Variants in TRPM2 observed in about 807,000 individuals in gnomAD.
TRPM2 encodes the protein estrogen-responsive element-associated gene 1 protein.
A neutral mutation model predicts 174.0 loss-of-function variants in TRPM2; 161 were observed. The ratio of observed to expected loss-of-function variants is 0.93; its 90% CI spans 0.81 to 1.05. The LOEUF (loss-of-function observed/expected upper bound fraction) is 1.05, where lower values mean the gene tolerates loss of function less well. Ranked by LOEUF, TRPM2 falls within the 50% of genes least tolerant of loss-of-function variation. TRPM2 has a pLI of 0.00. For synonymous variants in TRPM2, 954 were observed against 861.3 expected (o/e 1.11, Z -1.88); for missense variants, 2,057 against 2,038.0 (o/e 1.01, Z -0.18).
At position 44,391,373 on chromosome 21, in the gene TRPM2, C is replaced by T; in HGVS notation, c.1542C>T (p.Val514=). 6.2e-7 allele frequency: 1 copy of T among 1,614,206 alleles called. No individual in the cohort carries two copies. Among genetic ancestry groups the T allele is most frequent in the Non-Finnish European group, 8.5e-7 (1 of 1,180,056 alleles). ...ACGGGGTGCAGCTGAAGGAGTTTGT[C>T]ACCTGGGACACCTTGCTCTACCTGT... ...LENGVQLKEF[V]TWDTLLYLYE... Residue 514 remains valine (V), a synonymous_variant, in exon 11 of 32, where the codon GTC becomes GTT. Coordinates refer to ENST00000397928, the MANE Select transcript of TRPM2 (RefSeq NM_003307.4). The surrounding 1 kb of genome is among the most constrained non-coding windows in gnomAD (Gnocchi z 5.0).
At chr21:44,436,972 C>A in intron 28 of TRPM2, 90 bp from the exon 29 acceptor site, 1 of 1,186,588 alleles carries the variant, frequency 8.4e-7, no homozygotes. Context: ...CTGACACTGC[C>A]CCGCCCCAGG....
At chr21:44,412,412 TTTTC>T (rs1338257080) in intron 19 of TRPM2, among the ~76,000 whole-genome samples, 1 of 152,154 alleles carries the variant, frequency 6.6e-6, no homozygotes, top group Non-Finnish European at 1.5e-5. Context: ...TTTGAGTTCT[TTTTC>T]TTTTTGTAAG....
In TRPM2 at chr21:44,382,753, T is replaced by C. The variant is rs2048919023; in HGVS notation, c.1251T>C (p.Thr417=). Reference sequence around the variant, plus strand: ...TCGTCCGGAGGCGGCAGCTGCTGACTGTCTTCCGGGAAGGCAAGGATGGTC... The same window carrying C: ...TCGTCCGGAGGCGGCAGCTGCTGACCGTCTTCCGGGAAGGCAAGGATGGTC... ...QDIVRRRQLL[T]VFREGKDGQQ... The change falls in exon 9 of 32, where the codon ACT becomes ACC. Residue 417 remains threonine (T), a synonymous_variant. Transcript: ENST00000397928. 5.0e-6 allele frequency: 8 copies of C among 1,613,996 alleles called. No homozygotes were observed. Among genetic ancestry groups the C allele is most frequent in the Admixed American group, 1.7e-5 (1 of 59,994 alleles).
At chr21:44,365,809 G>A (rs980213332) in intron 3 of TRPM2, among the ~76,000 whole-genome samples, 5 of 152,196 alleles carry the variant, frequency 3.3e-5, no homozygotes, top group South Asian at 2.1e-4. Flanking sequence ...CTCGAAGCCC[G>A]GGAGCGTCCA....
upstream of TRPM2, among the ~76,000 whole-genome samples, chr21:44,350,670 G>A (rs1407155639): frequency 6.9e-6 from 1 of 145,748 alleles, no homozygotes; most frequent in Non-Finnish European, 1.5e-5. Flanking sequence ...GCAGGGTGCG[G>A]TGGGGTGCAG....
chr21:44,389,753 G>A (rs997872763), intron 9 of TRPM2, among the ~76,000 whole-genome samples: 2 of 151,954 alleles, frequency 1.3e-5, no homozygotes, highest in Non-Finnish European at 2.9e-5. Context: ...TCCAGTTTTC[G>A]ATTTGTAAGA....
chr21:44,406,749 C>T lies in TRPM2; in HGVS notation c.2946C>T (p.Ile982=), dbSNP rs151130558. ...CCTACCTCACCATCTTCGGGCAGAT[C>T]CCGGGCTACATCGACGGTAGGAGCC... The part of the protein sequence containing the change: ...YHSYLTIFGQ[I]PGYIDGVNFN... Residue 982 remains isoleucine, a synonymous_variant, in exon 19 of 32, where the codon ATC becomes ATT. Transcript: ENST00000397928. 252 of 1,605,682 alleles carry T rather than the reference C, an allele frequency of 1.6e-4. No homozygotes were observed. The African/African-American group carries it at 2.8e-3, about 18-fold the overall frequency.
At chr21:44,427,383 G>GGAT (rs1365711771) in intron 27 of TRPM2, among the ~76,000 whole-genome samples, 1 of 152,214 alleles carries the variant, frequency 6.6e-6, no homozygotes, top group Non-Finnish European at 1.5e-5. Context: ...GTGTACGTGG[G>GGAT]GATGGCTGTG....
At chr21:44,419,968 T>C (rs2050492684) in intron 22 of TRPM2, among the ~76,000 whole-genome samples, 1 of 148,772 alleles carries the variant, frequency 6.7e-6, no homozygotes, top group African/African-American at 2.5e-5. Flanking sequence ...CGATGGTGGA[T>C]GTGGTGGTGG....
At position 44,422,410 on chromosome 21, in the gene TRPM2, A is replaced by T. The variant is rs143639477; in HGVS notation, c.3462-1235A>T. The T allele has an allele frequency of 1.3e-3, 1,999 of 1,536,110 alleles. 55 individuals are homozygous for T. In the Admixed American group the frequency reaches 0.037, roughly 28 times the overall value. The stretch of plus-strand genomic sequence containing the variant: ...GCATGTTTGCAAGGCTGTCTGGGAA[A>T]ACATGGCAGGTGCGGTTAAGCGGCT... On this transcript the variant is annotated intron_variant, in intron 22 of 31. Coordinates refer to ENST00000397928, the MANE Select transcript of TRPM2 (RefSeq NM_003307.4).
At chr21:44,405,833 G>A (rs1021202177) in intron 17 of TRPM2, 72 bp from the exon 18 acceptor site, 3 of 1,552,910 alleles carry the variant, frequency 1.9e-6, no homozygotes, top group Non-Finnish European at 2.6e-6. Context: ...AGGTGGAGGG[G>A]CGACGGGGGA....
Position 44,376,093 on chromosome 21 carries a change from C to T in TRPM2, c.952+80C>T. On this transcript the variant is annotated intron_variant, in intron 6 of 31. Transcript: ENST00000397928. The surrounding 1 kb of genome is among the most constrained non-coding windows in gnomAD (Gnocchi z 4.2). ...GAGTGTCAGGTACAGCTGGTCACGACCAGGACGTTCAACAGGCCTGGCGTT... is the reference window on the plus strand; with the variant it reads ...GAGTGTCAGGTACAGCTGGTCACGATCAGGACGTTCAACAGGCCTGGCGTT... 1 of 1,513,968 alleles carries T rather than the reference C, an allele frequency of 6.6e-7. No homozygotes were observed. Among genetic ancestry groups the T allele is most frequent in the Non-Finnish European group, 9.0e-7 (1 of 1,116,392 alleles). 93.8% of individuals were successfully genotyped at this position (1,513,968 alleles called of 1,614,324 possible).
intron 7 of TRPM2, among the ~76,000 whole-genome samples, 159 bp from the exon 8 acceptor site, chr21:44,378,838 A>G (rs996620680): frequency 1.3e-5 from 2 of 152,186 alleles, no homozygotes; most frequent in African/African-American, 2.4e-5. Context: ...CTCTTCCCCC[A>G]GAGCAGGGGA....
At chr21:44,411,286 A>G (rs1446585849) in intron 19 of TRPM2, among the ~76,000 whole-genome samples, 1 of 152,156 alleles carries the variant, frequency 6.6e-6, no homozygotes, top group East Asian at 1.9e-4. Flanking sequence ...AATGTTTTAT[A>G]GTTTCCAGTA....
chr21:44,408,181 A>G (rs936625191), intron 19 of TRPM2, among the ~76,000 whole-genome samples: 2 of 152,146 alleles, frequency 1.3e-5, no homozygotes, highest in Admixed American at 1.3e-4. Context: ...TCCTGACCTC[A>G]GGTGATCCAC....
chr21:44,441,108 G>C (rs754747826), intron 31 of TRPM2, among the ~76,000 whole-genome samples: 5 of 152,208 alleles, frequency 3.3e-5, no homozygotes, highest in Admixed American at 1.3e-4. Flanking sequence ...GGAGGGACCT[G>C]GCCGTGCTCC....
In TRPM2 at chr21:44,369,234, C is replaced by T. The variant is rs2048450268; in HGVS notation, c.662C>T (p.Ala221Val). Residue 221 changes from alanine to valine, a missense_variant, in exon 5 of 32, where the codon GCG becomes GTG. Coordinates refer to ENST00000397928, the MANE Select transcript of TRPM2 (RefSeq NM_003307.4). ...HTGVMKQVGEAVRDFSLSSSY... is the reference protein window; with the variant it reads ...HTGVMKQVGEVVRDFSLSSSY... Reference sequence around the variant, plus strand: ...GGCGTCATGAAGCAGGTAGGCGAGGCGGTGCGGGACTTCAGCCTGAGCAGC... The same window carrying T: ...GGCGTCATGAAGCAGGTAGGCGAGGTGGTGCGGGACTTCAGCCTGAGCAGC... 3 of 1,613,602 alleles carry T rather than the reference C, an allele frequency of 1.9e-6. No individual in the cohort carries two copies. Among genetic ancestry groups the T allele is most frequent in the South Asian group, 1.1e-5 (1 of 91,072 alleles).
intron 2 of TRPM2, among the ~76,000 whole-genome samples, chr21:44,355,146 C>T (rs1161002156): frequency 6.6e-6 from 1 of 152,162 alleles, no homozygotes; most frequent in African/African-American, 2.4e-5. Context: ...GAAGACTGCC[C>T]CCCTGCACAG....
At chr21:44,406,112 C>G in intron 18 of TRPM2, 75 bp downstream of exon 18, 1 of 1,568,318 alleles carries the variant, frequency 6.4e-7, no homozygotes, top group Non-Finnish European at 8.6e-7. Flanking sequence ...GGCCCCTTGC[C>G]AGTGGCTCGG....
Sources: allele counts gnomAD v4.1 joint callset (sites outside exome capture counted in the v4.1 genomes callset), GRCh38; gene constraint gnomAD v4.1.1; non-coding constraint Gnocchi (gnomAD v3.1); transcripts MANE v1.5; gene names NCBI Gene and HGNC (gene_info 2026-07-23, HGNC 2026-07-21).